MTF2: variants seen among roughly 807,000 people sequenced by gnomAD.
MTF2 encodes metal-response element-binding transcription factor 2.
In MTF2, 11 loss-of-function variants were observed where a neutral mutation model predicts 79.5. That is an observed-to-expected ratio of 0.14 (90% CI 0.09 to 0.23). MTF2 has a LOEUF of 0.23. Among genes scored for constraint, MTF2 ranks in the 10% least tolerant of loss-of-function variants. MTF2 has a pLI of 1.00. For missense variants in MTF2, 486 were observed against 711.2 expected (o/e 0.68, Z 3.60); for synonymous variants, 208 against 232.8 (o/e 0.89, Z 0.97).
chr1:93,100,808 T>G (rs905556349), intron 1 of MTF2, among the ~76,000 whole-genome samples: 4 of 152,226 alleles, frequency 2.6e-5, no homozygotes, highest in African/African-American at 9.6e-5. Flanking sequence ...TTCATAGCTT[T>G]AATGCAGTGC....
intron 1 of MTF2, among the ~76,000 whole-genome samples, chr1:93,105,905 A>C (rs1296582691): frequency 6.6e-6 from 1 of 151,854 alleles, no homozygotes; most frequent in African/African-American, 2.4e-5. Flanking sequence ...CAAACTCCTG[A>C]CCTCGTGATC....
rs750242936 is a variant in MTF2 at position 93,110,661 on chromosome 1, A to G, written c.286+35A>G. On this transcript the variant is annotated intron_variant, in intron 3 of 14. Transcript: ENST00000370298. Reference sequence around the variant, plus strand: ...ACTATTTCTCTTGAACATGATTTAAATTAAAATTTGATTTTCTTCAACTTG... The same window carrying G: ...ACTATTTCTCTTGAACATGATTTAAGTTAAAATTTGATTTTCTTCAACTTG... 5.9e-6 allele frequency: 9 copies of G among 1,519,362 alleles called. No homozygotes were observed. In the East Asian group the frequency reaches 1.8e-4, roughly 30 times the overall value. The allele number at this position is 1,519,362 out of a possible 1,614,324, so 94.1% of individuals were successfully genotyped here. A position where few individuals can be genotyped will look rare whatever the true frequency, so the allele number is the denominator to read the frequency against.
Position 93,115,458 on chromosome 1 carries a change from C to A in MTF2, c.484-12C>A. Reference sequence around the variant, plus strand: ...GCCTTCACTCTTTCACATTTTTTTCCCTCTAATGTAGAGGGGTGGTGCACT... The same window carrying A: ...GCCTTCACTCTTTCACATTTTTTTCACTCTAATGTAGAGGGGTGGTGCACT... On this transcript the variant is annotated splice_polypyrimidine_tract_variant and intron_variant, in intron 5 of 14. Transcript: ENST00000370298. 3 of 1,525,730 alleles carry A rather than the reference C, an allele frequency of 2.0e-6. No individual in the cohort carries two copies. Among genetic ancestry groups the A allele is most frequent in the South Asian group, 1.3e-5 (1 of 79,828 alleles). 94.5% of individuals were successfully genotyped at this position (1,525,730 alleles called of 1,614,324 possible).
Position 93,110,387 on chromosome 1 carries a change from A to C in MTF2, c.163A>C (p.Arg55=), listed in dbSNP as rs1655980713. 6.2e-7 allele frequency: 1 copy of C among 1,614,050 alleles called. No individual in the cohort carries two copies. The highest frequency in any genetic ancestry group is 8.5e-7 in the Non-Finnish European group (1 of 1,180,024). Residue 55 remains arginine (R), a synonymous_variant, in exon 2 of 15, where the codon AGA becomes CGA. Coordinates refer to ENST00000370298, the MANE Select transcript of MTF2 (RefSeq NM_007358.4). The part of the protein sequence containing the change: ...KFEEGQDVLA[R]WSDGLFYLGT... Reference sequence around the variant, plus strand: ...TGAAGAGGGTCAGGATGTCCTAGCTAGATGGTCAGATGGCTTGTTTTATCT... The same window carrying C: ...TGAAGAGGGTCAGGATGTCCTAGCTCGATGGTCAGATGGCTTGTTTTATCT...
chr1:93,081,294 C>G (rs1654597316), intron 1 of MTF2, among the ~76,000 whole-genome samples: 1 of 152,162 alleles, frequency 6.6e-6, no homozygotes, highest in South Asian at 2.1e-4. Context: ...GTCATTAACT[C>G]TTTGATTTCA....
At chr1:93,131,620 T>A (rs1571254913) in intron 11 of MTF2, among the ~76,000 whole-genome samples, 1 of 152,170 alleles carries the variant, frequency 6.6e-6, no homozygotes, top group Admixed American at 6.5e-5. Flanking sequence ...ACCTAGAAGC[T>A]TTCCTATGTA....
chr1:93,097,101 C>T (rs577488217), intron 1 of MTF2, among the ~76,000 whole-genome samples: 5 of 152,134 alleles, frequency 3.3e-5, no homozygotes, highest in Admixed American at 6.5e-5. Flanking sequence ...TGAGCCACTG[C>T]GCCTGGCCTA....
At chr1:93,121,591 T>C in intron 9 of MTF2, 1 of 977,174 alleles carries the variant, frequency 1.0e-6, no homozygotes, top group Non-Finnish European at 1.2e-6. Flanking sequence ...TTATGGGATA[T>C]CAGGGAGAAC....
At chr1:93,120,878 A>G in intron 9 of MTF2, 4 of 1,259,716 alleles carry the variant, frequency 3.2e-6, no homozygotes, top group Non-Finnish European at 4.0e-6. Context: ...GACTCTGGAA[A>G]TTTGTAGAAG....
At chr1:93,114,323 A>C (rs544359058) in intron 3 of MTF2, among the ~76,000 whole-genome samples, 62 of 152,338 alleles carry the variant, frequency 4.1e-4, no homozygotes, top group Non-Finnish European at 7.8e-4. Flanking sequence ...TGAATAGATA[A>C]GTATTCTATA....
chr1:93,124,091 G>C (rs1571247600), intron 9 of MTF2, among the ~76,000 whole-genome samples: 1 of 151,938 alleles, frequency 6.6e-6, no homozygotes, highest in East Asian at 1.9e-4. Context: ...TACGGTATAG[G>C]ATTGTTATGA....
In MTF2 at chr1:93,136,958, G is replaced by A. The variant is rs758280129; in HGVS notation, c.1713G>A (p.Leu571=). Residue 571 remains leucine (L), a synonymous_variant, in exon 15 of 15, where the codon TTG becomes TTA. Coordinates refer to ENST00000370298, the MANE Select transcript of MTF2 (RefSeq NM_007358.4). The part of the protein sequence containing the change: ...RIACGEKYRV[L]ARRVTLDGKV... ...CATGTGGCGAAAAATACCGAGTTTT[G>A]GCACGTCGGGTGACACTTGATGGAA... The A allele has an allele frequency of 4.3e-6, 7 of 1,613,868 alleles. No homozygotes were observed. The highest frequency in any genetic ancestry group is 5.9e-6 in the Non-Finnish European group (7 of 1,180,018).
chr1:93,086,148 T>G (rs1195200290), intron 1 of MTF2, among the ~76,000 whole-genome samples: 1 of 152,184 alleles, frequency 6.6e-6, no homozygotes, highest in East Asian at 1.9e-4. Flanking sequence ...AATCTGTCGT[T>G]GACCAAAGTT....
At chr1:93,118,519 TAAAG>T in intron 7 of MTF2, 79 bp downstream of exon 7, 1 of 977,156 alleles carries the variant, frequency 1.0e-6, no homozygotes. Flanking sequence ...TCAGATTTCC[TAAAG>T]ATAGTTTCAA....
intron 1 of MTF2, among the ~76,000 whole-genome samples, chr1:93,085,376 A>G (rs1360929500): frequency 6.6e-6 from 1 of 150,534 alleles, no homozygotes; most frequent in African/African-American, 2.5e-5. Flanking sequence ...ACGGGGTTTC[A>G]CCATGTTGGC....
Position 93,137,210 on chromosome 1 carries a change from G to T in MTF2, c.*183G>T, listed in dbSNP as rs1193453812. 3 of 460,174 alleles carry T rather than the reference G, an allele frequency of 6.5e-6. No individual in the cohort carries two copies. Among genetic ancestry groups the T allele is most frequent in the South Asian group, 5.7e-5 (1 of 17,392 alleles). The allele number at this position is 460,174 out of a possible 1,614,324, so 28.5% of individuals were successfully genotyped here. The stretch of plus-strand genomic sequence containing the variant: ...ATGTTATGGATATTGTCATAAAAAG[G>T]TATCTTTTAAAAATCAGAACAGAGA... On this transcript the variant is annotated 3_prime_UTR_variant, in exon 15 of 15. Transcript: ENST00000370298.
rs753455483 is a variant in MTF2, at chr1:93,120,716, T to C, written c.921+44T>C. The C allele has an allele frequency of 3.4e-5, 54 of 1,568,112 alleles. 2 individuals are homozygous for C. The South Asian group carries it at 6.0e-4, about 18-fold the overall frequency. On this transcript the variant is annotated intron_variant, in intron 9 of 14. Transcript: ENST00000370298. Reference sequence around the variant, plus strand: ...AACTTCAGTAGCTACTTGATGTCTTTTTTGTTTTGTTTTGTTTTTCAAAAA... The same window carrying C: ...AACTTCAGTAGCTACTTGATGTCTTCTTTGTTTTGTTTTGTTTTTCAAAAA...
intron 1 of MTF2, among the ~76,000 whole-genome samples, chr1:93,096,375 T>G (rs1472200743): frequency 6.6e-6 from 1 of 152,206 alleles, no homozygotes; most frequent in Non-Finnish European, 1.5e-5. Context: ...AACTTCCAAG[T>G]CTTCACTTCC....
intron 1 of MTF2, among the ~76,000 whole-genome samples, chr1:93,088,900 G>T (rs2101021789): frequency 6.6e-6 from 1 of 152,106 alleles, no homozygotes; most frequent in African/African-American, 2.4e-5. Context: ...AAAATCTTAA[G>T]ATCTGTATTT....
Sources: gnomAD v4.1 joint callset for allele counts (sites outside exome capture counted in the v4.1 genomes callset) on GRCh38, gnomAD v4.1.1 for gene constraint, MANE v1.5 for transcripts, NCBI Gene and HGNC (gene_info 2026-07-23, HGNC 2026-07-21) for gene names.